The following C3orf70 variants were observed in gnomAD, a reference collection of about 807,000 sequenced individuals.
C3orf70 encodes the protein UPF0524 protein C3orf70.
C3orf70 carries 15 observed loss-of-function variants against 20.7 expected under a neutral mutation model. The observed-to-expected ratio is 0.72, with a 90% CI of 0.48 to 1.11. The LOEUF (loss-of-function observed/expected upper bound fraction) is 1.11. C3orf70 is among the 50% of genes most tolerant of loss of function. The probability of loss-of-function intolerance (pLI) is 0.00; values close to 1 mark genes in which losing one functional copy is unlikely to be tolerated. For synonymous variants in C3orf70, 161 were observed against 125.7 expected, an observed-to-expected ratio of 1.28 and a Z score of -1.88; for missense variants, 332 against 317.6, an observed-to-expected ratio of 1.05 and a Z score of -0.34.
chr3:185,098,739 A>G (rs1238119282), intron 1 of C3orf70, among the ~76,000 whole-genome samples: 1 of 152,230 alleles, frequency 6.6e-6, no homozygotes, highest in African/African-American at 2.4e-5. Flanking sequence ...GGGTGCTTTG[A>G]ATGAGATTAA....
rs869291177 is a variant in C3orf70, at chr3:185,091,912, CATATATATATAT to C, written c.197-8361_197-8350del. 5.2e-3 allele frequency among the ~76,000 whole-genome samples: 185 copies of C among 35,852 alleles called. 26 individuals carry two copies. Among genetic ancestry groups the C allele is most frequent in the Middle Eastern group, 0.067 (2 of 30 alleles). 23.5% of individuals were successfully genotyped at this position (35,852 alleles called of 152,430 possible). ...ATACACACATACACACACACACATACATATATATATATATATATATATATATATATATATATA... is the reference window on the plus strand; with the variant it reads ...ATACACACATACACACACACACATACATATATATATATATATATATATATA... On this transcript the variant is annotated intron_variant, in intron 1 of 1. Coordinates refer to ENST00000335012, the MANE Select transcript of C3orf70 (RefSeq NM_001025266.3).
intron 1 of C3orf70, 148 bp downstream of exon 1, chr3:185,152,480 C>G (rs892757040): frequency 5.6e-6 from 3 of 531,696 alleles, no homozygotes; most frequent in Non-Finnish European, 8.9e-6. Flanking sequence ...CCGGCGGGCC[C>G]GGAGCCCACG....
At chr3:185,119,336 T>C (rs961201741) in intron 1 of C3orf70, among the ~76,000 whole-genome samples, 2 of 152,118 alleles carry the variant, frequency 1.3e-5, no homozygotes, top group East Asian at 3.8e-4. Flanking sequence ...AATAATAATA[T>C]GTTATATATG....
At chr3:185,120,631 C>T (rs1347221880) in intron 1 of C3orf70, among the ~76,000 whole-genome samples, 3 of 151,460 alleles carry the variant, frequency 2.0e-5, no homozygotes, top group Non-Finnish European at 4.4e-5. Flanking sequence ...AAATGTTCAA[C>T]CTCACTAATG....
intron 1 of C3orf70, among the ~76,000 whole-genome samples, chr3:185,096,216 C>T (rs1715698010): frequency 6.6e-6 from 1 of 152,116 alleles, no homozygotes; most frequent in Admixed American, 6.6e-5. Flanking sequence ...AAAATTGGTG[C>T]CACTGAGGAA....
chr3:185,104,144 G>A (rs1715877986), intron 1 of C3orf70, among the ~76,000 whole-genome samples: 3 of 152,150 alleles, frequency 2.0e-5, no homozygotes, highest in Admixed American at 2.0e-4. Flanking sequence ...CTCCGCTGTG[G>A]ACAGCTTTCT....
chr3:185,123,564 T>C (rs1398645250), intron 1 of C3orf70, among the ~76,000 whole-genome samples: 2 of 151,566 alleles, frequency 1.3e-5, no homozygotes, highest in Non-Finnish European at 2.9e-5. Flanking sequence ...GGACTTGAAC[T>C]CCTAGGCTCA....
chr3:185,125,308 A>G (rs1716383733), intron 1 of C3orf70, among the ~76,000 whole-genome samples: 1 of 152,084 alleles, frequency 6.6e-6, no homozygotes. Flanking sequence ...TGAACCCGGA[A>G]GGCAGAGGTT....
At chr3:185,098,973 C>T (rs1715766331) in intron 1 of C3orf70, among the ~76,000 whole-genome samples, 1 of 152,212 alleles carries the variant, frequency 6.6e-6, no homozygotes, top group Admixed American at 6.5e-5. Flanking sequence ...TCTCTATAAT[C>T]ACGTGAGCCA....
At chr3:185,105,928 A>G (rs1410553765) in intron 1 of C3orf70, among the ~76,000 whole-genome samples, 1 of 152,160 alleles carries the variant, frequency 6.6e-6, no homozygotes, top group Non-Finnish European at 1.5e-5. Context: ...GATGAGGAGG[A>G]AGGAGAGTAT....
At chr3:185,105,163 A>G (rs1449149469) in intron 1 of C3orf70, among the ~76,000 whole-genome samples, 1 of 152,240 alleles carries the variant, frequency 6.6e-6, no homozygotes, top group Non-Finnish European at 1.5e-5. Context: ...TATATGTTCA[A>G]TAGGTTAAGT....
chr3:185,123,971 C>T (rs958888091), intron 1 of C3orf70, among the ~76,000 whole-genome samples: 3 of 152,136 alleles, frequency 2.0e-5, no homozygotes. Context: ...CCTGATTCAA[C>T]AACTGTAGAC....
At chr3:185,145,809 T>C (rs1716862258) in intron 1 of C3orf70, among the ~76,000 whole-genome samples, 1 of 152,204 alleles carries the variant, frequency 6.6e-6, no homozygotes, top group South Asian at 2.1e-4. Context: ...AGCAAACACA[T>C]ACGAAAAGAT....
At chr3:185,107,633 T>C (rs899628500) in intron 1 of C3orf70, among the ~76,000 whole-genome samples, 4 of 152,272 alleles carry the variant, frequency 2.6e-5, no homozygotes, top group South Asian at 4.2e-4. Flanking sequence ...TTTAGAGAAA[T>C]TAGTTACTGA....
chr3:185,091,943 ATATATATATATATATATATATTTTTTTTT>A (rs1561330884), intron 1 of C3orf70, among the ~76,000 whole-genome samples: 114 of 8,010 alleles, frequency 0.014, 5 homozygotes, highest in African/African-American at 0.039. Context: ...ATATATATAT[ATATATATATATATATATATATTTTTTTTT>A]TTTTTTAGTA....
At chr3:185,111,218 G>A (rs1355276699) in intron 1 of C3orf70, among the ~76,000 whole-genome samples, 1 of 152,006 alleles carries the variant, frequency 6.6e-6, no homozygotes, top group East Asian at 1.9e-4. Context: ...TAAAGCATAA[G>A]CAATGAAAGA....
chr3:185,138,201 A>G (rs1200801737), intron 1 of C3orf70, among the ~76,000 whole-genome samples: 2 of 152,184 alleles, frequency 1.3e-5, no homozygotes, highest in Non-Finnish European at 2.9e-5. Context: ...ATTCCTTGAT[A>G]ATAATTTGAA....
At chr3:185,104,236 T>A (rs1577323091) in intron 1 of C3orf70, among the ~76,000 whole-genome samples, 1 of 152,320 alleles carries the variant, frequency 6.6e-6, no homozygotes, top group East Asian at 1.9e-4. Flanking sequence ...GATGATGAGC[T>A]TGGGTAACAC....
intron 1 of C3orf70, among the ~76,000 whole-genome samples, chr3:185,112,565 A>C (rs756814911): frequency 3.9e-4 from 60 of 152,374 alleles, no homozygotes; most frequent in Non-Finnish European, 7.6e-4. Context: ...ATAGGCTAAA[A>C]ATTACACTTA....
Sources: allele counts gnomAD v4.1 joint callset (sites outside exome capture counted in the v4.1 genomes callset), GRCh38; gene constraint gnomAD v4.1.1; transcripts MANE v1.5; gene names NCBI Gene and HGNC (gene_info 2026-07-23, HGNC 2026-07-21).